Variants in TMEM117 observed in about 807,000 individuals in gnomAD.
TMEM117 encodes transmembrane protein 117.
In TMEM117, 27 loss-of-function variants were observed where a neutral mutation model predicts 52.4. The ratio of observed to expected loss-of-function variants is 0.51; its 90% CI spans 0.38 to 0.71. The LOEUF is 0.71. Ranked by LOEUF, TMEM117 falls within the 30% of genes least tolerant of loss-of-function variation. The pLI, the probability that TMEM117 is intolerant of heterozygous loss-of-function variation, is 0.00. For synonymous variants in TMEM117, 215 were observed against 206.3 expected, an observed-to-expected ratio of 1.04 and a Z score of -0.36; for missense variants, 556 against 630.5, an observed-to-expected ratio of 0.88 and a Z score of 1.26.
chr12:44,261,053 T>A (rs2138539667), intron 5 of TMEM117, among the ~76,000 whole-genome samples: 2 of 152,340 alleles, frequency 1.3e-5, no homozygotes, highest in South Asian at 4.1e-4. Flanking sequence ...TAAAATAGAT[T>A]TTAAAATTGT....
intron 2 of TMEM117, among the ~76,000 whole-genome samples, chr12:43,890,596 A>C (rs1220226408): frequency 1.3e-5 from 2 of 151,886 alleles, no homozygotes; most frequent in East Asian, 3.9e-4. Flanking sequence ...TAGTGGTGCA[A>C]TCTCGGCTCA....
At chr12:44,067,081 AG>A (rs1947232007) in intron 3 of TMEM117, among the ~76,000 whole-genome samples, 1 of 148,850 alleles carries the variant, frequency 6.7e-6, no homozygotes, top group African/African-American at 2.6e-5. Context: ...CTCATTTATA[AG>A]AAGCAACTCA....
At position 44,355,684 on chromosome 12, in the gene TMEM117, A is replaced by T. The variant is rs558539224; in HGVS notation, c.769-20911A>T. Among the ~76,000 whole-genome samples, 3 of 152,186 alleles carry T rather than the reference A, an allele frequency of 2.0e-5. No individual in the cohort carries two copies. In the South Asian group the frequency reaches 6.2e-4, roughly 32 times the overall value. On this transcript the variant is annotated intron_variant, in intron 6 of 7. Coordinates refer to ENST00000266534, the MANE Select transcript of TMEM117 (RefSeq NM_032256.3). ...GTAGGCTTGAGTGTGTTGATGATCA[A>T]ATCCTAAAGCATCCTTTACCAAATT...
At chr12:44,353,075 T>C (rs1226907913) in intron 6 of TMEM117, among the ~76,000 whole-genome samples, 1 of 152,226 alleles carries the variant, frequency 6.6e-6, no homozygotes, top group East Asian at 1.9e-4. Context: ...CATGTGTTTT[T>C]TGGCTGCATA....
chr12:44,393,293 A>C (rs182217251), downstream of TMEM117, among the ~76,000 whole-genome samples: 1 of 152,304 alleles, frequency 6.6e-6, no homozygotes, highest in Non-Finnish European at 1.5e-5. Flanking sequence ...GATAATTTAT[A>C]ATTGAGAATC....
intron 3 of TMEM117, among the ~76,000 whole-genome samples, chr12:44,013,528 C>A (rs1202246247): frequency 1.3e-5 from 2 of 152,046 alleles, no homozygotes; most frequent in African/African-American, 2.4e-5. Context: ...ACAGAATATC[C>A]TTTCTTTCAT....
intron 2 of TMEM117, among the ~76,000 whole-genome samples, chr12:43,859,532 CAAA>C (rs1355288604): frequency 5.3e-5 from 8 of 151,846 alleles, no homozygotes; most frequent in Non-Finnish European, 1.2e-4. Flanking sequence ...TATATGAAGT[CAAA>C]GAAGAAAAAT....
At chr12:43,861,534 G>T (rs775067977) in intron 2 of TMEM117, among the ~76,000 whole-genome samples, 3 of 152,208 alleles carry the variant, frequency 2.0e-5, no homozygotes, top group Non-Finnish European at 4.4e-5. Context: ...AGAGGACAGA[G>T]AATTTGCTTA....
intron 2 of TMEM117, among the ~76,000 whole-genome samples, chr12:43,906,401 T>C (rs1317555224): frequency 1.3e-5 from 2 of 151,222 alleles, no homozygotes; most frequent in African/African-American, 4.9e-5. Flanking sequence ...TGACAGAGGT[T>C]GCAGTGAGCT....
intron 3 of TMEM117, among the ~76,000 whole-genome samples, chr12:44,000,210 A>G (rs1348265966): frequency 6.6e-6 from 1 of 152,134 alleles, no homozygotes; most frequent in African/African-American, 2.4e-5. Context: ...AGGGAAGGAG[A>G]AAGTGGTGGA....
chr12:44,348,261 T>C (rs1216182137), intron 6 of TMEM117, among the ~76,000 whole-genome samples: 1 of 118,634 alleles, frequency 8.4e-6, no homozygotes, highest in African/African-American at 2.9e-5. Context: ...CAATACTCTT[T>C]AAGAATGAAA....
At chr12:44,299,877 A>G in intron 6 of TMEM117, 138 bp downstream of exon 6, 1 of 1,147,444 alleles carries the variant, frequency 8.7e-7, no homozygotes, top group South Asian at 1.6e-5. Context: ...TTCTCTGTTT[A>G]TATTTTCAGC....
intron 3 of TMEM117, among the ~76,000 whole-genome samples, chr12:44,102,024 G>A (rs1947869843): frequency 6.6e-6 from 1 of 151,896 alleles, no homozygotes; most frequent in African/African-American, 2.4e-5. Flanking sequence ...GTGGGCTTGG[G>A]GGAATTTGTG....
intron 4 of TMEM117, among the ~76,000 whole-genome samples, chr12:44,145,179 A>G (rs1227292603): frequency 6.6e-6 from 1 of 152,158 alleles, no homozygotes. Context: ...AAAAAGAAAA[A>G]TTTCTTTTTT....
intron 6 of TMEM117, among the ~76,000 whole-genome samples, chr12:44,322,823 C>A (rs78031215): frequency 6.6e-6 from 1 of 152,022 alleles, no homozygotes; most frequent in African/African-American, 2.4e-5. Context: ...CGCTGGCCGG[C>A]CCCCCACCAA....
rs58734580 is a variant in TMEM117 at position 43,881,790 on chromosome 12, CAAA to C, written c.277+36882_277+36884del. ...GGCAACAAGAGTGAAACTCTTGTCT[CAAA>C]AAAAAAAAAAAAAAAAAAAGGCCAG... On this transcript the variant is annotated intron_variant, in intron 2 of 7. Coordinates refer to ENST00000266534, the MANE Select transcript of TMEM117 (RefSeq NM_032256.3). Among the ~76,000 whole-genome samples the C allele has an allele frequency of 1.2e-4, 5 of 42,024 alleles. No individual in the cohort carries two copies. In the East Asian group the frequency reaches 3.9e-3, roughly 33 times the overall value. The allele number at this position is 42,024 out of a possible 152,430, so 27.6% of individuals were successfully genotyped here. A position where few individuals can be genotyped will look rare whatever the true frequency, so the allele number is the denominator to read the frequency against.
chr12:44,079,961 T>G (rs1459306727), intron 3 of TMEM117, among the ~76,000 whole-genome samples: 1 of 143,600 alleles, frequency 7.0e-6, no homozygotes, highest in East Asian at 2.0e-4. Context: ...CAGGTTGTAG[T>G]GCACCGAGAT....
At chr12:43,838,344 C>T (rs1486997001) in intron 1 of TMEM117, among the ~76,000 whole-genome samples, 3 of 151,698 alleles carry the variant, frequency 2.0e-5, no homozygotes, top group African/African-American at 7.3e-5. Flanking sequence ...CTGCCTCTCC[C>T]CACCCCCACA....
chr12:44,178,919 T>C (rs1592583456), intron 4 of TMEM117, among the ~76,000 whole-genome samples: 1 of 152,072 alleles, frequency 6.6e-6, no homozygotes, highest in Non-Finnish European at 1.5e-5. Flanking sequence ...TATGGCTGGG[T>C]GCAATGGCTC....
Sources: allele counts gnomAD v4.1 joint callset (sites outside exome capture counted in the v4.1 genomes callset), GRCh38; gene constraint gnomAD v4.1.1; transcripts MANE v1.5; gene names NCBI Gene and HGNC (gene_info 2026-07-23, HGNC 2026-07-21).